Variants in PTPRB observed in about 807,000 individuals in gnomAD.
PTPRB encodes receptor-type tyrosine-protein phosphatase beta.
A neutral mutation model predicts 238.1 loss-of-function variants in PTPRB; 97 were observed. The observed-to-expected ratio is 0.41, with a 90% confidence interval of 0.35 to 0.48. The LOEUF (loss-of-function observed/expected upper bound fraction) is 0.48, where lower values mean the gene tolerates loss of function less well. Among genes scored for constraint, PTPRB ranks in the 20% least tolerant of loss-of-function variants. PTPRB has a pLI of 0.30. For synonymous variants in PTPRB, 970 were observed against 995.4 expected, an observed-to-expected ratio of 0.97 and a Z score of 0.48; for missense variants, 2,292 against 2,681.9, an observed-to-expected ratio of 0.85 and a Z score of 3.21.
Position 70,560,089 on chromosome 12 carries a change from G to A in PTPRB, c.4433-465C>T, listed in dbSNP as rs747065172. On this transcript the variant is annotated intron_variant, in intron 17 of 33. Coordinates refer to ENST00000334414, the MANE Select transcript of PTPRB (RefSeq NM_001109754.4). This position sits in a 1 kb window ranked among gnomAD's most constrained non-coding sequence, Gnocchi z 4.2. ...AGACCTCAAGTGATCCACCCACCTC[G>A]GCCTCCCAAAGTACTGGGATTATAG... 2.0e-5 allele frequency among the ~76,000 whole-genome samples: 3 copies of A among 151,872 alleles called. No individual in the cohort carries two copies. The highest frequency in any genetic ancestry group is 4.4e-5 in the Non-Finnish European group (3 of 67,992).
intron 2 of PTPRB, among the ~76,000 whole-genome samples, chr12:70,623,659 A>G (rs1885047306): frequency 6.6e-6 from 1 of 152,214 alleles, no homozygotes; most frequent in Non-Finnish European, 1.5e-5. Context: ...ACAAAACCTT[A>G]TACAATCAGA....
chr12:70,576,528 T>G lies in PTPRB; in HGVS notation c.2696A>C (p.Asp899Ala). The G allele has an allele frequency of 6.4e-7, 1 of 1,564,298 alleles. No individual in the cohort carries two copies. The highest frequency in any genetic ancestry group is 8.7e-7 in the Non-Finnish European group (1 of 1,152,974). Residue 899 changes from aspartate (D) to alanine (A), a missense_variant, in exon 11 of 34, where the codon GAC becomes GCC. By Grantham distance (126) the Asp-to-Ala change is moderately radical. Transcript: ENST00000334414. ...VDNYEVTLSHDGKVVQSLVIA... is the reference protein window; with the variant it reads ...VDNYEVTLSHAGKVVQSLVIA... The stretch of plus-strand genomic sequence containing the variant: ...GACAAGGGACTGAACCACCTTGCCG[T>G]CATGAGACAATGTTACCTCATAGTT...
At chr12:70,530,176 T>G (rs145959404) in intron 32 of PTPRB, among the ~76,000 whole-genome samples, 1 of 152,166 alleles carries the variant, frequency 6.6e-6, no homozygotes, top group Non-Finnish European at 1.5e-5. Context: ...AAACCAAATA[T>G]AGTTTTTTAT....
chr12:70,603,760 C>T (rs1053439396), intron 4 of PTPRB, among the ~76,000 whole-genome samples: 1 of 152,120 alleles, frequency 6.6e-6, no homozygotes, highest in Non-Finnish European at 1.5e-5. Context: ...ATACTATCCC[C>T]ATTTTGTAGG....
rs2136184308 is a variant in PTPRB at position 70,518,305 on chromosome 12, C to G, written c.*3184G>C. On this transcript the variant is annotated 3_prime_UTR_variant, in exon 34 of 34. Transcript: ENST00000334414. Reference sequence around the variant, plus strand: ...AAAATTAGCCAGACATGGTGGCAGGCACCTGTAATTCCAGCTACTTGGGAG... The same window carrying G: ...AAAATTAGCCAGACATGGTGGCAGGGACCTGTAATTCCAGCTACTTGGGAG... 1 of 152,284 alleles carries G rather than the reference C, an allele frequency of 6.6e-6. No individual in the cohort carries two copies. The highest frequency in any genetic ancestry group is 1.9e-4 in the East Asian group (1 of 5,168). The allele number at this position is 152,284 out of a possible 1,614,324, so 9.4% of individuals were successfully genotyped here. A position where few individuals can be genotyped will look rare whatever the true frequency, so the allele number is the denominator to read the frequency against.
chr12:70,544,561 T>C lies in PTPRB; in HGVS notation c.5490A>G (p.Glu1830=). The part of the protein sequence containing the change: ...DTFFSLPITT[E]SEPLFGAIEG... ...TGATGTAAAGGTTAGCCTTACCTGATTCAGTAGTGATGGGTAAAGAAAAAA... is the reference window on the plus strand; with the variant it reads ...TGATGTAAAGGTTAGCCTTACCTGACTCAGTAGTGATGGGTAAAGAAAAAA... The change falls in exon 22 of 34, where the codon GAA becomes GAG. Residue 1830 remains glutamate, a synonymous_variant. Coordinates refer to ENST00000334414, the MANE Select transcript of PTPRB (RefSeq NM_001109754.4). 6.2e-7 allele frequency: 1 copy of C among 1,605,472 alleles called. No homozygotes were observed. The highest frequency in any genetic ancestry group is 8.5e-7 in the Non-Finnish European group (1 of 1,172,932).
rs752110411 is a variant in PTPRB, at chr12:70,594,459, G to C, written c.1516+8C>G. 120 of 1,612,436 alleles carry C rather than the reference G, an allele frequency of 7.4e-5. 1 individual carries two copies. Among genetic ancestry groups the C allele is most frequent in the Non-Finnish European group, 9.8e-5 (116 of 1,178,838 alleles). On this transcript the variant is annotated splice_region_variant and intron_variant, in intron 6 of 33. Transcript: ENST00000334414. ...TTATTCTTCTTCAGCTAGCTAGGGG[G>C]AACTTACCTGTCCTGACTAGTTTCC... is the stretch of plus-strand genomic sequence containing the variant.
At chr12:70,572,185 A>G in intron 11 of PTPRB, 98 bp from the exon 12 acceptor site, 2 of 1,243,314 alleles carry the variant, frequency 1.6e-6, no homozygotes, top group Non-Finnish European at 1.1e-6. Context: ...AGAGTAGATT[A>G]TTATTGTGTG....
At chr12:70,558,995 T>C (rs1565941555) in intron 18 of PTPRB, 1 of 398,454 alleles carries the variant, frequency 2.5e-6, no homozygotes, top group East Asian at 4.1e-5. Context: ...TTTAGGTTTC[T>C]ATTTGGATGT....
rs1040548028 is a variant in PTPRB, at chr12:70,636,037, G to T, written c.85C>A (p.Gln29Lys). The T allele has an allele frequency of 1.9e-6, 3 of 1,613,098 alleles. No homozygotes were observed. The African/African-American group carries it at 4.0e-5, about 22-fold the overall frequency. ...TTCTCATTTTTGAAAAGACACTGTT[G>T]TTTCTGGACATGGACAATCTGAAAC... ...EGFQIVHVQK[Q>K]QCLFKNEKVV... The change falls in exon 2 of 34, where the codon CAA becomes AAA. Residue 29 changes from glutamine to lysine, a missense_variant. By Grantham distance (53) the Gln-to-Lys change is moderately conservative. Around this residue, in one of 4 missense-constraint regions of PTPRB, gnomAD observed 1,205 missense variants for 1,287.8 expected, o/e 0.94. Transcript: ENST00000334414.
intron 13 of PTPRB, among the ~76,000 whole-genome samples, chr12:70,570,572 C>T (rs1472583138): frequency 6.6e-6 from 1 of 152,124 alleles, no homozygotes; most frequent in African/African-American, 2.4e-5. Flanking sequence ...TGTGCTTGAA[C>T]TCCTGGGCTC....
At chr12:70,626,716 T>G (rs1566023617) in intron 2 of PTPRB, among the ~76,000 whole-genome samples, 1 of 152,068 alleles carries the variant, frequency 6.6e-6, no homozygotes, top group African/African-American at 2.4e-5. Context: ...GATTTTGATG[T>G]CTGCAGGAGG....
At position 70,572,067 on chromosome 12, in the gene PTPRB, C is replaced by T. The variant is rs1880126635; in HGVS notation, c.2863G>A (p.Val955Ile). 1 of 1,611,002 alleles carries T rather than the reference C, an allele frequency of 6.2e-7. No homozygotes were observed. Among genetic ancestry groups the T allele is most frequent in the Non-Finnish European group, 8.5e-7 (1 of 1,178,656 alleles). Reference protein sequence around the residue: ...ERTVPDKVQGVSVSNSARSDY... With the variant: ...ERTVPDKVQGISVSNSARSDY... ...CTCCTGGCTGAGTTGCTAACACTGA[C>T]TCCCTGGACTTTGTCAGGCACTGAA... The change falls in exon 12 of 34, where the codon GTC (valine) becomes ATC (isoleucine). Residue 955 changes from valine to isoleucine, a missense_variant. Val to Ile is a conservative substitution (Grantham distance 29). This residue lies in a region of PTPRB where 1,205 missense variants were observed against 1,287.8 expected (regional missense o/e 0.94). Coordinates refer to ENST00000334414, the MANE Select transcript of PTPRB (RefSeq NM_001109754.4).
Position 70,516,885 on chromosome 12 carries a change from T to A in PTPRB, c.*4604A>T, listed in dbSNP as rs992753092. The A allele has an allele frequency of 2.0e-5, 3 of 152,234 alleles. No homozygotes were observed. Among genetic ancestry groups the A allele is most frequent in the African/African-American group, 7.2e-5 (3 of 41,462 alleles). The allele number at this position is 152,234 out of a possible 1,614,324, so 9.4% of individuals were successfully genotyped here. A position where few individuals can be genotyped will look rare whatever the true frequency, so the allele number is the denominator to read the frequency against. On this transcript the variant is annotated 3_prime_UTR_variant, in exon 34 of 34. Transcript: ENST00000334414. ...ATTCACCAACAATTTCTTTATTTAA[T>A]AAGTGTATCTTATATAGACAATCTT...
intron 9 of PTPRB, 149 bp from the exon 10 acceptor site, chr12:70,581,451 G>T: frequency 1.2e-6 from 1 of 868,050 alleles, no homozygotes; most frequent in Non-Finnish European, 1.7e-6. Context: ...ATTTCCTGTG[G>T]CATATGGAGA....
intron 20 of PTPRB, among the ~76,000 whole-genome samples, chr12:70,553,253 A>G (rs1189987958): frequency 6.6e-6 from 1 of 152,206 alleles, no homozygotes; most frequent in Non-Finnish European, 1.5e-5. Flanking sequence ...CACACACAGC[A>G]TCATTTTCCT....
In PTPRB at chr12:70,520,508, A is replaced by G. The variant is rs2136188158; in HGVS notation, c.*981T>C. Reference sequence around the variant, plus strand: ...ATTAAGCCTTTTAATGAGGGGCACAATCTGCTACCATAATATTCTTTTAAT... The same window carrying G: ...ATTAAGCCTTTTAATGAGGGGCACAGTCTGCTACCATAATATTCTTTTAAT... On this transcript the variant is annotated 3_prime_UTR_variant, in exon 34 of 34. Coordinates refer to ENST00000334414, the MANE Select transcript of PTPRB (RefSeq NM_001109754.4). 1 of 207,138 alleles carries G rather than the reference A, an allele frequency of 4.8e-6. No individual in the cohort carries two copies. Among genetic ancestry groups the G allele is most frequent in the East Asian group, 1.5e-4 (1 of 6,556 alleles). 12.8% of individuals were successfully genotyped at this position (207,138 alleles called of 1,614,324 possible). A position where few individuals can be genotyped will look rare whatever the true frequency, so the allele number is the denominator to read the frequency against.
intron 22 of PTPRB, 101 bp downstream of exon 22, chr12:70,544,456 G>T: frequency 2.5e-6 from 2 of 812,868 alleles, no homozygotes; most frequent in Non-Finnish European, 4.0e-6. Flanking sequence ...AGTTCCAAAT[G>T]AAAATAAATG....
At position 70,569,901 on chromosome 12, in the gene PTPRB, A is replaced by T. The variant is rs376983796; in HGVS notation, c.3408T>A (p.Asn1136Lys). 1.2e-6 allele frequency: 2 copies of T among 1,612,090 alleles called. No individual in the cohort carries two copies. The highest frequency in any genetic ancestry group is 1.7e-5 in the Admixed American group (1 of 59,994). ...SAVKNIHISP[N>K]GATDSLTVNW... ...TCACCGTCAGGCTATCTGTTGCTCC[A>T]TTGGGAGAAATGTGAATATTTTTGA... is the stretch of plus-strand genomic sequence containing the variant. The change falls in exon 14 of 34, where the codon AAT (asparagine) becomes AAA (lysine). Residue 1136 changes from asparagine to lysine, a missense_variant. Physicochemically the swap from Asn to Lys is moderately conservative, Grantham distance 94 (BLOSUM62 0). Coordinates refer to ENST00000334414, the MANE Select transcript of PTPRB (RefSeq NM_001109754.4).
Sources: gnomAD v4.1 joint callset for allele counts (sites outside exome capture counted in the v4.1 genomes callset) on GRCh38, gnomAD v4.1.1 for gene constraint, gnomAD v4.1.1 regional missense constraint, Gnocchi (gnomAD v3.1) non-coding constraint, MANE v1.5 for transcripts, NCBI Gene and HGNC (gene_info 2026-07-23, HGNC 2026-07-21) for gene names.